The following PPP3CB variants were observed in gnomAD, a reference collection of about 807,000 sequenced individuals.
PPP3CB encodes the protein serine/threonine-protein phosphatase 2B catalytic subunit beta isoform.
A neutral mutation model predicts 66.4 loss-of-function variants in PPP3CB; 8 were observed. The ratio of observed to expected loss-of-function variants is 0.12; its 90% CI spans 0.07 to 0.22. The LOEUF is 0.22. Among genes scored for constraint, PPP3CB ranks in the 10% least tolerant of loss-of-function variants. The probability of loss-of-function intolerance (pLI) is 1.00; values close to 1 mark genes in which losing one functional copy is unlikely to be tolerated. For missense variants in PPP3CB, 319 were observed against 642.5 expected (o/e 0.50, Z 5.44); for synonymous variants, 208 against 221.2 (o/e 0.94, Z 0.53).
chr10:73,449,801 CTTT>C (rs767489105), intron 10 of PPP3CB, among the ~76,000 whole-genome samples: 1 of 146,108 alleles, frequency 6.8e-6, no homozygotes. Context: ...CTAATCTTAG[CTTT>C]TTTTTTTTTG....
At chr10:73,478,713 T>C in intron 2 of PPP3CB, 90 bp from the exon 3 acceptor site, 1 of 1,104,236 alleles carries the variant, frequency 9.1e-7, no homozygotes, top group Non-Finnish European at 1.3e-6. Context: ...TAAGACATAG[T>C]ACAAATGCTA....
intron 12 of PPP3CB, among the ~76,000 whole-genome samples, chr10:73,443,304 G>GAAAGAAAT (rs2132765089): frequency 7.4e-6 from 1 of 134,854 alleles, no homozygotes; most frequent in East Asian, 2.1e-4. Context: ...AAGAAAGAAA[G>GAAAGAAAT]AAAGAAAGAA....
At chr10:73,471,285 C>G in intron 5 of PPP3CB, 76 bp from the exon 6 acceptor site, 1 of 1,444,744 alleles carries the variant, frequency 6.9e-7, no homozygotes, top group Non-Finnish European at 9.4e-7. Flanking sequence ...GAAAACGATA[C>G]CAACTTTGAA....
chr10:73,473,426 G>A (rs1358890848), intron 4 of PPP3CB, among the ~76,000 whole-genome samples: 1 of 152,170 alleles, frequency 6.6e-6, no homozygotes, highest in Non-Finnish European at 1.5e-5. Context: ...GGACGAGGCA[G>A]GTGGATTACT....
chr10:73,493,275 C>CAAA (rs544990577), intron 1 of PPP3CB, among the ~76,000 whole-genome samples: 3 of 105,918 alleles, frequency 2.8e-5, no homozygotes, highest in African/African-American at 1.1e-4. Context: ...AACTCCGTCT[C>CAAA]AAAAAAAAAA....
chr10:73,491,561 T>A (rs7917183), intron 1 of PPP3CB, among the ~76,000 whole-genome samples: 1 of 152,166 alleles, frequency 6.6e-6, no homozygotes, highest in Non-Finnish European at 1.5e-5. Flanking sequence ...GTCCACAAAA[T>A]AGACTTTGTA....
At chr10:73,450,981 T>C (rs940513636) in intron 10 of PPP3CB, among the ~76,000 whole-genome samples, 7 of 152,122 alleles carry the variant, frequency 4.6e-5, no homozygotes, top group African/African-American at 1.7e-4. Flanking sequence ...ATATAAAATC[T>C]TCTCATTAGA....
chr10:73,459,383 G>C (rs1274321026), intron 9 of PPP3CB, among the ~76,000 whole-genome samples: 1 of 152,216 alleles, frequency 6.6e-6, no homozygotes, highest in Non-Finnish European at 1.5e-5. Context: ...CTACTCAGGA[G>C]GCTGAGGCAG....
intron 2 of PPP3CB, 30 bp from the exon 3 acceptor site, chr10:73,478,653 A>T: frequency 6.3e-7 from 1 of 1,592,252 alleles, no homozygotes. Flanking sequence ...AGATAAGGGA[A>T]AAAAATCTCT....
At chr10:73,492,541 T>G (rs944279192) in intron 1 of PPP3CB, among the ~76,000 whole-genome samples, 2 of 152,264 alleles carry the variant, frequency 1.3e-5, no homozygotes, top group African/African-American at 4.8e-5. Context: ...AAAGCACACA[T>G]GCAGATACGG....
chr10:73,458,618 C>T (rs981694311), intron 9 of PPP3CB, among the ~76,000 whole-genome samples: 2 of 150,772 alleles, frequency 1.3e-5, no homozygotes, highest in East Asian at 2.0e-4. Context: ...GGCAACATGG[C>T]GAAACCCTGT....
At position 73,437,934 on chromosome 10, in the gene PPP3CB, T is replaced by A. The variant is rs915721878; in HGVS notation, c.*308A>T. The A allele has an allele frequency of 4.0e-6, 1 of 252,876 alleles. No individual in the cohort carries two copies. Among genetic ancestry groups the A allele is most frequent in the African/African-American group, 2.2e-5 (1 of 44,992 alleles). The allele number at this position is 252,876 out of a possible 1,614,324, so 15.7% of individuals were successfully genotyped here. ...TAATTCTACTGAAGGGGAAAAGAAATCTGATTTGTAAACTTAAATGTGTGA... is the reference window on the plus strand; with the variant it reads ...TAATTCTACTGAAGGGGAAAAGAAAACTGATTTGTAAACTTAAATGTGTGA... On this transcript the variant is annotated 3_prime_UTR_variant, in exon 14 of 14. Transcript: ENST00000360663.
intron 10 of PPP3CB, chr10:73,448,709 GA>G: frequency 1.9e-6 from 1 of 533,168 alleles, no homozygotes; most frequent in South Asian, 1.4e-5. Context: ...GGAGAGTCCA[GA>G]AAAAAGGAAG....
chr10:73,464,116 G>A (rs2056577308), intron 9 of PPP3CB, among the ~76,000 whole-genome samples: 1 of 152,038 alleles, frequency 6.6e-6, no homozygotes, highest in Non-Finnish European at 1.5e-5. Context: ...TTTTAGTGGA[G>A]ACAGGGTTTC....
At chr10:73,489,900 G>C (rs985771154) in intron 1 of PPP3CB, among the ~76,000 whole-genome samples, 1 of 151,946 alleles carries the variant, frequency 6.6e-6, no homozygotes, top group Non-Finnish European at 1.5e-5. Context: ...CATCCTTCAA[G>C]GACTACCTCG....
chr10:73,464,493 G>A (rs2056584646), intron 9 of PPP3CB, among the ~76,000 whole-genome samples: 1 of 152,092 alleles, frequency 6.6e-6, no homozygotes, highest in Non-Finnish European at 1.5e-5. Context: ...GTTCTTAAAG[G>A]AGGGCCAATA....
intron 1 of PPP3CB, 97 bp from the exon 2 acceptor site, chr10:73,479,614 A>G: frequency 8.4e-7 from 1 of 1,196,354 alleles, no homozygotes; most frequent in Non-Finnish European, 1.1e-6. Context: ...ACTGTAAAGC[A>G]GGGATTTTTC....
chr10:73,444,051 C>T (rs951304546), intron 12 of PPP3CB: 2 of 152,526 alleles, frequency 1.3e-5, no homozygotes, highest in African/African-American at 4.8e-5. Flanking sequence ...TACAGACATA[C>T]AGCTAACCTA....
At chr10:73,485,950 G>GTGTGTGTGTGTGTGTTTA (rs58404946) in intron 1 of PPP3CB, among the ~76,000 whole-genome samples, 4 of 124,638 alleles carry the variant, frequency 3.2e-5, no homozygotes, top group Non-Finnish European at 4.9e-5. Context: ...GTGTGTGTGT[G>GTGTGTGTGTGTGTGTTTA]TATTTTTTTT....
Sources: gnomAD v4.1 joint callset for allele counts (sites outside exome capture counted in the v4.1 genomes callset) on GRCh38, gnomAD v4.1.1 for gene constraint, MANE v1.5 for transcripts, NCBI Gene and HGNC (gene_info 2026-07-23, HGNC 2026-07-21) for gene names.